SMC1B: variants seen among roughly 807,000 people sequenced by gnomAD.
SMC1B encodes structural maintenance of chromosomes 1B.
In SMC1B, 60 loss-of-function variants were observed where a neutral mutation model predicts 157.9. The ratio of observed to expected loss-of-function variants is 0.38; its 90% CI spans 0.31 to 0.47. SMC1B has a LOEUF of 0.47. SMC1B is among the 20% of genes least tolerant of loss of function. The probability of loss-of-function intolerance (pLI) is 0.99; values close to 1 mark genes in which losing one functional copy is unlikely to be tolerated. For synonymous variants in SMC1B, 445 were observed against 483.0 expected (o/e 0.92, Z 1.03); for missense variants, 1,165 against 1,426.2 (o/e 0.82, Z 2.95).
At chr22:45,387,461 AAAAC>A (rs1246188380) in intron 10 of SMC1B, among the ~76,000 whole-genome samples, 13 of 105,674 alleles carry the variant, frequency 1.2e-4, no homozygotes, top group Non-Finnish European at 2.2e-4. Flanking sequence ...AAAACAAAAC[AAAAC>A]AAAAAAAAGT....
In SMC1B at chr22:45,348,722, T is replaced by TG. The variant is rs1046926304; in HGVS notation, c.3495+1005_3495+1006insC. Among the ~76,000 whole-genome samples, 3 of 151,384 alleles carry TG rather than the reference T, an allele frequency of 2.0e-5. No homozygotes were observed. The South Asian group carries it at 6.3e-4, about 32-fold the overall frequency. ...AGCTTAGATTTCAAAAGGACTGTTT[T>TG]TTTTGTTTTGTTTTGTTTTTTCCTG... On this transcript the variant is annotated intron_variant, in intron 23 of 24. Transcript: ENST00000357450.
chr22:45,387,498 A>C (rs1569190029), intron 10 of SMC1B, among the ~76,000 whole-genome samples: 1 of 152,148 alleles, frequency 6.6e-6, no homozygotes, highest in Non-Finnish European at 1.5e-5. Context: ...ACCATAAAAG[A>C]TTGATAAGAA....
At chr22:45,352,820 G>A (rs2086628124) in intron 21 of SMC1B, among the ~76,000 whole-genome samples, 1 of 152,126 alleles carries the variant, frequency 6.6e-6, no homozygotes, top group Non-Finnish European at 1.5e-5. Context: ...ACATACCCAG[G>A]GATCAGCCCT....
At chr22:45,383,683 A>C in intron 11 of SMC1B, 70 bp from the exon 12 acceptor site, 1 of 1,316,434 alleles carries the variant, frequency 7.6e-7, no homozygotes, top group Non-Finnish European at 1.0e-6. Flanking sequence ...CAATGTGTCA[A>C]TTTTTAAAGC....
intron 22 of SMC1B, among the ~76,000 whole-genome samples, chr22:45,350,987 ATGT>A (rs2086610201): frequency 6.6e-6 from 1 of 152,128 alleles, no homozygotes; most frequent in Non-Finnish European, 1.5e-5. Flanking sequence ...GCTGTTGCTG[ATGT>A]CTAAGAATAT....
At position 45,371,602 on chromosome 22, in the gene SMC1B, G is replaced by T; in HGVS notation, c.2197-15C>A. 6.4e-7 allele frequency: 1 copy of T among 1,571,126 alleles called. No individual in the cohort carries two copies. Among genetic ancestry groups the T allele is most frequent in the South Asian group, 1.2e-5 (1 of 81,796 alleles). On this transcript the variant is annotated splice_polypyrimidine_tract_variant and intron_variant, in intron 13 of 24. Coordinates refer to ENST00000357450, the MANE Select transcript of SMC1B (RefSeq NM_148674.5). The stretch of plus-strand genomic sequence containing the variant: ...TGAGATTGTTCCTAATAACAAAAGA[G>T]AAAAATTTTTTTAACATGGCTGTTT...
Position 45,344,675 on chromosome 22 carries a change from C to T in SMC1B, c.3607-18G>A. Reference sequence around the variant, plus strand: ...TCATCGTACTAAAATGGAGAGAAGACAGTTAAAAGTTCCCCTAATTAGGGA... The same window carrying T: ...TCATCGTACTAAAATGGAGAGAAGATAGTTAAAAGTTCCCCTAATTAGGGA... On this transcript the variant is annotated intron_variant, in intron 24 of 24. Coordinates refer to ENST00000357450, the MANE Select transcript of SMC1B (RefSeq NM_148674.5). The T allele has an allele frequency of 6.3e-7, 1 of 1,575,142 alleles. No individual in the cohort carries two copies. The highest frequency in any genetic ancestry group is 8.7e-7 in the Non-Finnish European group (1 of 1,144,916).
rs2146761225 is a variant in SMC1B at position 45,352,566 on chromosome 22, A to G, written c.3310T>C (p.Leu1104=). ...ACACAGTTATAGCTAATTCCCTCCA[A>G]GTAAGGTTCTTCAGGGTTCTCTGGG... is the stretch of plus-strand genomic sequence containing the variant. ...LSPENPEEPY[L]EGISYNCVAP... Residue 1104 remains leucine (L), a synonymous_variant, in exon 22 of 25, where the codon TTG becomes CTG. Coordinates refer to ENST00000357450, the MANE Select transcript of SMC1B (RefSeq NM_148674.5). The G allele has an allele frequency of 6.2e-7, 1 of 1,613,386 alleles. No individual in the cohort carries two copies. Among genetic ancestry groups the G allele is most frequent in the East Asian group, 2.2e-5 (1 of 44,884 alleles).
intron 12 of SMC1B, among the ~76,000 whole-genome samples, chr22:45,380,766 A>AT (rs1258810569): frequency 6.6e-6 from 1 of 152,066 alleles, no homozygotes; most frequent in Non-Finnish European, 1.5e-5. Context: ...AAAAATTAAA[A>AT]TAAAAAAAAA....
At chr22:45,390,793 A>G (rs963129851) in intron 9 of SMC1B, among the ~76,000 whole-genome samples, 2 of 152,192 alleles carry the variant, frequency 1.3e-5, no homozygotes, top group African/African-American at 2.4e-5. Context: ...ATTAGACTGA[A>G]GTTCAAAAAC....
rs145843560 is a variant in SMC1B at position 45,353,727 on chromosome 22, A to G, written c.3273+251T>C. On this transcript the variant is annotated intron_variant, in intron 21 of 24. Transcript: ENST00000357450. ...GGAAACAAAATGATTTAGTCCATTT[A>G]TTTTTCAGATGAAGAAACAGACCCA... Among the ~76,000 whole-genome samples, 665 of 152,024 alleles carry G rather than the reference A, an allele frequency of 4.4e-3. 2 individuals carry two copies. Among genetic ancestry groups the G allele is most frequent in the Non-Finnish European group, 6.8e-3 (464 of 67,962 alleles).
intron 9 of SMC1B, among the ~76,000 whole-genome samples, chr22:45,390,654 G>A (rs556131481): frequency 6.7e-5 from 10 of 150,232 alleles, no homozygotes; most frequent in Admixed American, 2.7e-4. Context: ...GCAGTGAGCC[G>A]AGATCATGCC....
At chr22:45,358,163 T>C (rs1320775311) in intron 19 of SMC1B, among the ~76,000 whole-genome samples, 1 of 152,214 alleles carries the variant, frequency 6.6e-6, no homozygotes, top group African/African-American at 2.4e-5. Context: ...ATGGACCCTT[T>C]CTCATACCTA....
At chr22:45,347,303 G>T (rs2086562267) in intron 23 of SMC1B, among the ~76,000 whole-genome samples, 1 of 152,162 alleles carries the variant, frequency 6.6e-6, no homozygotes, top group African/African-American at 2.4e-5. Context: ...TGGGGGTATG[G>T]AGTTGATGTG....
chr22:45,390,703 TA>T (rs35064650), intron 9 of SMC1B, among the ~76,000 whole-genome samples: 85,285 of 136,652 alleles, frequency 0.62, 27,835 homozygotes, highest in African/African-American at 0.89. Flanking sequence ...GACTCCATCT[TA>T]AAAAAAAAAA....
chr22:45,374,511 T>G (rs976547646), intron 12 of SMC1B, among the ~76,000 whole-genome samples: 5 of 152,232 alleles, frequency 3.3e-5, no homozygotes, highest in Admixed American at 2.0e-4. Flanking sequence ...ACACCTGTTG[T>G]TACAGTCTAG....
At chr22:45,410,064 G>A (rs2087313800) in intron 1 of SMC1B, among the ~76,000 whole-genome samples, 1 of 152,214 alleles carries the variant, frequency 6.6e-6, no homozygotes, top group Non-Finnish European at 1.5e-5. Context: ...CTGGAGGAAT[G>A]AAGCACTGAG....
In SMC1B at chr22:45,355,044, A is replaced by G. The variant is rs781669746; in HGVS notation, c.3033T>C (p.Asp1011=). ...TTGGGGCTGCTGTTTTCAGTAAGAT[A>G]TCTTCCTGGGATGCTACTTGCTGCA... is the stretch of plus-strand genomic sequence containing the variant. ...LLLQQVASQE[D]ILLKTAAPNL... The change falls in exon 20 of 25, where the codon GAT becomes GAC. Residue 1011 remains aspartate (D), a synonymous_variant. Coordinates refer to ENST00000357450, the MANE Select transcript of SMC1B (RefSeq NM_148674.5). 1.9e-6 allele frequency: 3 copies of G among 1,614,196 alleles called. No individual in the cohort carries two copies. The East Asian group carries it at 6.7e-5, about 36-fold the overall frequency.
Position 45,355,010 on chromosome 22 carries a change from C to T in SMC1B, c.3067G>A (p.Ala1023Thr), listed in dbSNP as rs1385366031. ...LLKTAAPNLR[A>T]LENLKTVRDK... is the part of the protein sequence containing the mutation. The stretch of plus-strand genomic sequence containing the variant: ...CTGACAGTCTTTAAGTTCTCCAGTG[C>T]TCGTAGGTTTGGGGCTGCTGTTTTC... Residue 1023 changes from alanine to threonine, a missense_variant, in exon 20 of 25, where the codon GCA (alanine) becomes ACA (threonine). Transcript: ENST00000357450. The T allele has an allele frequency of 6.2e-7, 1 of 1,614,172 alleles. No homozygotes were observed. Among genetic ancestry groups the T allele is most frequent in the African/African-American group, 1.3e-5 (1 of 75,030 alleles).
Sources: gnomAD v4.1 joint callset for allele counts (sites outside exome capture counted in the v4.1 genomes callset) on GRCh38, gnomAD v4.1.1 for gene constraint, MANE v1.5 for transcripts, NCBI Gene and HGNC (gene_info 2026-07-23, HGNC 2026-07-21) for gene names.